Variants in RFX3 observed in about 807,000 individuals in gnomAD.
RFX3 encodes the protein transcription factor RFX3.
Under a neutral mutation model 98.6 loss-of-function variants are expected in RFX3, and 14 were observed. The ratio of observed to expected loss-of-function variants is 0.14; its 90% CI spans 0.09 to 0.22. RFX3 has a LOEUF of 0.22. RFX3 is among the 10% of genes least tolerant of loss of function. The probability of loss-of-function intolerance (pLI) is 1.00; values close to 1 mark genes in which losing one functional copy is unlikely to be tolerated. For missense variants in RFX3, 639 were observed against 926.9 expected (o/e 0.69, Z 4.03); for synonymous variants, 383 against 328.4 (o/e 1.17, Z -1.80).
At chr9:3,376,749 A>G (rs1430358265) in intron 2 of RFX3, among the ~76,000 whole-genome samples, 3 of 152,190 alleles carry the variant, frequency 2.0e-5, no homozygotes, top group African/African-American at 4.8e-5. Context: ...ATTTACAAGA[A>G]AAAAACAAAC....
intron 1 of RFX3, among the ~76,000 whole-genome samples, chr9:3,507,236 C>A (rs142499260): frequency 0.011 from 1,656 of 151,882 alleles, 24 homozygotes; most frequent in African/African-American, 0.03. Context: ...AGTTAGGGAC[C>A]ACTCAAATTT....
At chr9:3,299,608 G>A (rs1199117638) in intron 5 of RFX3, among the ~76,000 whole-genome samples, 3 of 151,660 alleles carry the variant, frequency 2.0e-5, no homozygotes, top group Non-Finnish European at 4.4e-5. Context: ...TCTGGGAGTT[G>A]TTAGCAGTAT....
intron 1 of RFX3, among the ~76,000 whole-genome samples, chr9:3,502,435 T>C (rs937929403): frequency 6.6e-6 from 1 of 152,162 alleles, no homozygotes; most frequent in African/African-American, 2.4e-5. Context: ...CATCATATTA[T>C]GAATGCCAAA....
intron 1 of RFX3, among the ~76,000 whole-genome samples, chr9:3,406,224 A>G (rs1841960521): frequency 6.6e-6 from 1 of 151,674 alleles, no homozygotes; most frequent in African/African-American, 2.4e-5. Flanking sequence ...CAGCCTCCCA[A>G]AATCCTGGGA....
At chr9:3,409,565 G>C (rs1390001505) in intron 1 of RFX3, among the ~76,000 whole-genome samples, 1 of 152,166 alleles carries the variant, frequency 6.6e-6, no homozygotes, top group African/African-American at 2.4e-5. Context: ...TTTGTATGTA[G>C]TTAATACAAA....
chr9:3,349,900 T>A (rs1834897501), intron 2 of RFX3, among the ~76,000 whole-genome samples: 1 of 152,038 alleles, frequency 6.6e-6, no homozygotes, highest in South Asian at 2.1e-4. Flanking sequence ...CACTACAACA[T>A]TCAGAAGTGA....
At chr9:3,300,728 T>A (rs957328747) in intron 5 of RFX3, among the ~76,000 whole-genome samples, 1 of 151,906 alleles carries the variant, frequency 6.6e-6, no homozygotes, top group Non-Finnish European at 1.5e-5. Context: ...CTAAAATGAA[T>A]TTACACCATG....
chr9:3,283,470 C>G (rs571527302), intron 7 of RFX3, among the ~76,000 whole-genome samples: 4 of 151,604 alleles, frequency 2.6e-5, no homozygotes, highest in Non-Finnish European at 5.9e-5. Context: ...GCCTATGTAG[C>G]CTGTACTCAA....
At chr9:3,323,260 G>C (rs140084295) in intron 4 of RFX3, among the ~76,000 whole-genome samples, 2 of 152,272 alleles carry the variant, frequency 1.3e-5, no homozygotes, top group South Asian at 4.2e-4. Flanking sequence ...CATAGGCACT[G>C]TGTCGTATTT....
chr9:3,270,652 C>G, intron 10 of RFX3, 127 bp from the exon 11 acceptor site: 1 of 904,496 alleles, frequency 1.1e-6, no homozygotes, highest in Non-Finnish European at 1.7e-6. Context: ...TGCACTGGTG[C>G]CATACAGCTG....
chr9:3,450,018 C>T (rs183746955), intron 1 of RFX3, among the ~76,000 whole-genome samples: 171 of 152,246 alleles, frequency 1.1e-3, no homozygotes, highest in African/African-American at 3.8e-3. Context: ...ATGCATTCAC[C>T]TATCAGATCC....
At chr9:3,448,120 A>C (rs1243299009) in intron 1 of RFX3, among the ~76,000 whole-genome samples, 1 of 152,098 alleles carries the variant, frequency 6.6e-6, no homozygotes, top group African/African-American at 2.4e-5. Context: ...ACATATAATT[A>C]ATTTGCTCTT....
At position 3,219,159 on chromosome 9, in the gene RFX3, A is replaced by G. The variant is rs1767281955; in HGVS notation, c.*5883T>C. ...AGTAGAGAAAAAAATTTGCTTTGGT[A>G]CAAAAGATGCTTTTTAAACGAATAA... is the stretch of plus-strand genomic sequence containing the variant. On this transcript the variant is annotated 3_prime_UTR_variant, in exon 17 of 17. Transcript: ENST00000617270. The G allele has an allele frequency of 6.6e-6, 1 of 152,206 alleles. No individual in the cohort carries two copies. Among genetic ancestry groups the G allele is most frequent in the Non-Finnish European group, 1.5e-5 (1 of 68,024 alleles). 9.4% of individuals were successfully genotyped at this position (152,206 alleles called of 1,614,324 possible).
chr9:3,394,472 A>T (rs1015638203), intron 2 of RFX3, among the ~76,000 whole-genome samples: 1 of 152,214 alleles, frequency 6.6e-6, no homozygotes, highest in African/African-American at 2.4e-5. Context: ...AAAAAACAAA[A>T]CAAAACAAAC....
chr9:3,451,075 G>A (rs1846577140), intron 1 of RFX3, among the ~76,000 whole-genome samples: 1 of 152,186 alleles, frequency 6.6e-6, no homozygotes, highest in South Asian at 2.1e-4. Flanking sequence ...GTGTAGGAAA[G>A]CGAAGCGCTC....
chr9:3,407,825 T>G (rs991312354), intron 1 of RFX3, among the ~76,000 whole-genome samples: 5 of 152,124 alleles, frequency 3.3e-5, no homozygotes, highest in African/African-American at 1.2e-4. Flanking sequence ...AGATCTCAGC[T>G]AAGACTAATA....
chr9:3,388,509 A>T (rs564834908), intron 2 of RFX3, among the ~76,000 whole-genome samples: 3 of 152,148 alleles, frequency 2.0e-5, no homozygotes. Context: ...AAAGAAACCA[A>T]TATAGCCAAC....
chr9:3,458,094 T>TA (rs1156829045), intron 1 of RFX3, among the ~76,000 whole-genome samples: 1 of 152,048 alleles, frequency 6.6e-6, no homozygotes, highest in Non-Finnish European at 1.5e-5. Flanking sequence ...CATGGCAATA[T>TA]AAAAAAGGAC....
Position 3,424,454 on chromosome 9 carries a change from C to T in RFX3, c.-8-28858G>A, listed in dbSNP as rs542554489. 1.4e-4 allele frequency among the ~76,000 whole-genome samples: 20 copies of T among 146,432 alleles called. No individual in the cohort carries two copies. The South Asian group carries it at 1.5e-3, about 11-fold the overall frequency. ...TCGACTCACTGCAAGCTCCGCCTCC[C>T]GGGTTCACGCCATTCTCCTGCCTCA... On this transcript the variant is annotated intron_variant, in intron 1 of 16. Coordinates refer to ENST00000617270, the MANE Select transcript of RFX3 (RefSeq NM_001282116.2).
Sources: allele counts gnomAD v4.1 joint callset (sites outside exome capture counted in the v4.1 genomes callset), GRCh38; gene constraint gnomAD v4.1.1; transcripts MANE v1.5; gene names NCBI Gene and HGNC (gene_info 2026-07-23, HGNC 2026-07-21).